MBTPS1: variants seen among roughly 807,000 people sequenced by gnomAD.
MBTPS1 encodes the protein membrane-bound transcription factor site-1 protease.
A neutral mutation model predicts 127.8 loss-of-function variants in MBTPS1; 94 were observed. The ratio of observed to expected loss-of-function variants is 0.74; its 90% CI spans 0.62 to 0.87. The LOEUF (loss-of-function observed/expected upper bound fraction) is 0.87. Among genes scored for constraint, MBTPS1 ranks in the 40% least tolerant of loss-of-function variants. The pLI is 0.00. For missense variants in MBTPS1, 1,636 were observed against 1,353.2 expected (o/e 1.21, Z -3.28); for synonymous variants, 632 against 509.4 (o/e 1.24, Z -3.24).
intron 3 of MBTPS1, among the ~76,000 whole-genome samples, chr16:84,098,620 A>G (rs918369438): frequency 6.6e-6 from 1 of 152,170 alleles, no homozygotes; most frequent in Admixed American, 6.5e-5. Flanking sequence ...AAAAATAAAT[A>G]AATAAAAAGG....
intron 20 of MBTPS1, 78 bp from the exon 21 acceptor site, chr16:84,059,506 T>C (rs1302724601): frequency 1.0e-5 from 14 of 1,374,700 alleles, no homozygotes; most frequent in Non-Finnish European, 1.4e-5. Flanking sequence ...AGGGCCTTAT[T>C]ATGAGTCTGT....
At chr16:84,059,853 A>C (rs1241095947) in intron 20 of MBTPS1, 6 of 155,944 alleles carry the variant, frequency 3.8e-5, no homozygotes, top group African/African-American at 1.2e-4. Context: ...TCTATTTCTT[A>C]GATCTGCACC....
At chr16:84,105,308 G>A (rs1033995137) in intron 1 of MBTPS1, among the ~76,000 whole-genome samples, 4 of 152,058 alleles carry the variant, frequency 2.6e-5, no homozygotes, top group African/African-American at 9.7e-5. Flanking sequence ...GAACAAACAC[G>A]GACTATTAGC....
intron 9 of MBTPS1, among the ~76,000 whole-genome samples, chr16:84,086,784 G>C (rs181461596): frequency 6.6e-6 from 1 of 152,166 alleles, no homozygotes; most frequent in Non-Finnish European, 1.5e-5. Flanking sequence ...TGTTCTGCAC[G>C]AGCGTCTAAT....
At chr16:84,059,248 G>C in intron 21 of MBTPS1, 54 bp downstream of exon 21, 1 of 1,566,942 alleles carries the variant, frequency 6.4e-7, no homozygotes, top group Non-Finnish European at 8.7e-7. Context: ...TATAAGAAAA[G>C]CAATGACTCA....
chr16:84,093,380 C>G, intron 5 of MBTPS1, 83 bp from the exon 6 acceptor site: 1 of 933,388 alleles, frequency 1.1e-6, no homozygotes. Flanking sequence ...ATGAGTTCCA[C>G]GGCCTTCCAT....
At chr16:84,055,396 T>C (rs2085507370) in intron 22 of MBTPS1, among the ~76,000 whole-genome samples, 1 of 152,184 alleles carries the variant, frequency 6.6e-6, no homozygotes. Context: ...TACAGGGGAC[T>C]CTAGAGCAAA....
At chr16:84,111,340 G>C (rs574392372) in intron 1 of MBTPS1, among the ~76,000 whole-genome samples, 1 of 152,302 alleles carries the variant, frequency 6.6e-6, no homozygotes, top group South Asian at 2.1e-4. Context: ...AGGCGTTCGA[G>C]ACCAGCCTGG....
chr16:84,077,249 A>AAAAAAAAAGAGAG (rs1555510714), intron 11 of MBTPS1, among the ~76,000 whole-genome samples: 2 of 138,784 alleles, frequency 1.4e-5, no homozygotes, highest in Admixed American at 7.7e-5. Context: ...AAAAAAAAAA[A>AAAAAAAAAGAGAG]AGAGAGAGAG....
Position 84,056,141 on chromosome 16 carries a change from G to C in MBTPS1, c.2832-6C>G. On this transcript the variant is annotated splice_region_variant and splice_polypyrimidine_tract_variant and intron_variant, in intron 21 of 22. Transcript: ENST00000343411. The stretch of plus-strand genomic sequence containing the variant: ...TCTGATGTTTCCAAAGGTTACTTCA[G>C]GAAAATGGATTAAAACAAAACAAAA... 1.9e-6 allele frequency: 3 copies of C among 1,612,968 alleles called. No individual in the cohort carries two copies. Among genetic ancestry groups the C allele is most frequent in the Non-Finnish European group, 2.5e-6 (3 of 1,179,078 alleles).
intron 1 of MBTPS1, among the ~76,000 whole-genome samples, chr16:84,104,222 A>C (rs1242435677): frequency 7.3e-6 from 1 of 137,256 alleles, no homozygotes; most frequent in East Asian, 2.5e-4. Context: ...CACTCAAGGC[A>C]GGCTTTTTGT....
At chr16:84,087,513 G>T in intron 8 of MBTPS1, 53 bp from the exon 9 acceptor site, 1 of 1,201,592 alleles carries the variant, frequency 8.3e-7, no homozygotes, top group East Asian at 2.4e-5. Flanking sequence ...AAAAACAAGA[G>T]AAATAATTTA....
intron 1 of MBTPS1, among the ~76,000 whole-genome samples, chr16:84,104,416 G>A (rs1597351111): frequency 6.6e-6 from 1 of 152,108 alleles, no homozygotes; most frequent in East Asian, 1.9e-4. Flanking sequence ...TGGGCCAAGA[G>A]TGCACCACTA....
chr16:84,054,400 G>A lies in MBTPS1; in HGVS notation c.*49C>T, dbSNP rs773824742. 33 of 1,498,270 alleles carry A rather than the reference G, an allele frequency of 2.2e-5. No homozygotes were observed. The highest frequency in any genetic ancestry group is 2.6e-5 in the South Asian group (2 of 76,722). 92.8% of individuals were successfully genotyped at this position (1,498,270 alleles called of 1,614,324 possible). On this transcript the variant is annotated 3_prime_UTR_variant, in exon 23 of 23. Coordinates refer to ENST00000343411, the MANE Select transcript of MBTPS1 (RefSeq NM_003791.4). ...ACCACAGCTCGGCTCACCCACCAGC[G>A]CCGTCCGTGAAGGCTCTCTCTGGCC...
At position 84,099,800 on chromosome 16, in the gene MBTPS1, A is replaced by G. The variant is rs2086229515; in HGVS notation, c.164-490T>C. On this transcript the variant is annotated intron_variant, in intron 2 of 22. Coordinates refer to ENST00000343411, the MANE Select transcript of MBTPS1 (RefSeq NM_003791.4). ...CAAAAAAAAAAAAAAAAAGATCTCT[A>G]TGAATCACCTAACCACAAAGAATAC... Among the ~76,000 whole-genome samples, 4 of 152,028 alleles carry G rather than the reference A, an allele frequency of 2.6e-5. No homozygotes were observed. In the South Asian group the frequency reaches 8.3e-4, roughly 32 times the overall value.
At chr16:84,107,007 A>C (rs1231483279) in intron 1 of MBTPS1, among the ~76,000 whole-genome samples, 1 of 152,192 alleles carries the variant, frequency 6.6e-6, no homozygotes, top group Non-Finnish European at 1.5e-5. Flanking sequence ...CTTGGGAGAC[A>C]CCAGCAGGAG....
At chr16:84,070,464 C>T in intron 13 of MBTPS1, 124 bp downstream of exon 13, 1 of 943,440 alleles carries the variant, frequency 1.1e-6, no homozygotes, top group Non-Finnish European at 1.6e-6. Flanking sequence ...CAATTGTGGC[C>T]ATCGAGGATA....
At chr16:84,087,286 G>T in intron 9 of MBTPS1, 72 bp downstream of exon 9, 2 of 1,203,340 alleles carry the variant, frequency 1.7e-6, no homozygotes, top group Non-Finnish European at 1.2e-6. Flanking sequence ...CCCAAGGCTC[G>T]TCAACAACCG....
chr16:84,069,877 G>A lies in MBTPS1; in HGVS notation c.1944C>T (p.Asp648=). The A allele has an allele frequency of 1.2e-6, 2 of 1,613,930 alleles. No homozygotes were observed. Among genetic ancestry groups the A allele is most frequent in the African/African-American group, 1.3e-5 (1 of 75,008 alleles). The change falls in exon 14 of 23, where the codon GAC becomes GAT. Residue 648 remains aspartate, a synonymous_variant. Transcript: ENST00000343411. ...FPRDNLRMKN[D]PLDWNGDHIH... ...TGTGAGGTGCTTACCAGTCTAAAGG[G>A]TCATTCTTCATCCTTAAATTATCCC...
Sources: allele counts gnomAD v4.1 joint callset (sites outside exome capture counted in the v4.1 genomes callset), GRCh38; gene constraint gnomAD v4.1.1; transcripts MANE v1.5; gene names NCBI Gene and HGNC (gene_info 2026-07-23, HGNC 2026-07-21).